The following NAV1 variants were observed in gnomAD, a reference collection of about 807,000 sequenced individuals.
The protein encoded by NAV1 is neuron navigator 1.
In NAV1, 18 loss-of-function variants were observed where a neutral mutation model predicts 175.2. That is an observed-to-expected ratio of 0.10 (90% CI 0.07 to 0.15). NAV1 has a LOEUF of 0.15. Ranked by LOEUF, NAV1 falls within the 10% of genes least tolerant of loss-of-function variation. NAV1 has a pLI of 1.00. For synonymous variants in NAV1, 897 were observed against 978.7 expected (o/e 0.92, Z 1.56); for missense variants, 1,731 against 2,436.6 (o/e 0.71, Z 6.10).
intron 1 of NAV1, among the ~76,000 whole-genome samples, chr1:201,553,552 A>G (rs543884926): frequency 4.6e-5 from 7 of 152,382 alleles, no homozygotes; most frequent in African/African-American, 1.7e-4. Flanking sequence ...ATTTACAAAC[A>G]GTGAAACACA....
At chr1:201,559,270 C>T (rs1483338744) in intron 1 of NAV1, among the ~76,000 whole-genome samples, 1 of 152,064 alleles carries the variant, frequency 6.6e-6, no homozygotes, top group Non-Finnish European at 1.5e-5. Context: ...TTATAAAGGG[C>T]CTGGCTATGA....
At position 201,721,468 on chromosome 1, in the gene NAV1, G is replaced by A. The variant is rs530004151; in HGVS notation, c.1226+2713G>A. On this transcript the variant is annotated intron_variant, in intron 3 of 29. Transcript: ENST00000367296. ...GTTTTAATTAGTAACAGGGCAACCT[G>A]GATTCCAGCGACTCTTTAAGTGAAC... Among the ~76,000 whole-genome samples, 209 of 152,342 alleles carry A rather than the reference G, an allele frequency of 1.4e-3. 2 individuals carry two copies. The highest frequency in any genetic ancestry group is 5.0e-3 in the African/African-American group (206 of 41,564).
chr1:201,751,512 G>A (rs1674105091), intron 3 of NAV1, among the ~76,000 whole-genome samples: 1 of 152,184 alleles, frequency 6.6e-6, no homozygotes, highest in Admixed American at 6.5e-5. Context: ...TTGTCTGAAT[G>A]GAAAGTGCAT....
At chr1:201,767,071 G>A (rs61821730) in intron 3 of NAV1, among the ~76,000 whole-genome samples, 10,952 of 151,446 alleles carry the variant, frequency 0.072, 552 homozygotes, top group Non-Finnish European at 0.11. Flanking sequence ...CACCTGCCTC[G>A]CCCTCCCAAA....
At chr1:201,768,648 A>G (rs1484196440) in intron 3 of NAV1, among the ~76,000 whole-genome samples, 1 of 149,238 alleles carries the variant, frequency 6.7e-6, no homozygotes, top group East Asian at 1.9e-4. Context: ...AATTAAAAAA[A>G]AAAAAAAAAA....
intron 3 of NAV1, among the ~76,000 whole-genome samples, chr1:201,738,663 A>G (rs756623568): frequency 1.3e-5 from 2 of 152,130 alleles, no homozygotes; most frequent in Non-Finnish European, 2.9e-5. Flanking sequence ...CTCCCTTAAC[A>G]TCTGTAAAAA....
intron 1 of NAV1, among the ~76,000 whole-genome samples, chr1:201,698,219 A>C (rs556138923): frequency 6.6e-6 from 1 of 152,238 alleles, no homozygotes; most frequent in South Asian, 2.1e-4. Flanking sequence ...ATCAGTGGTC[A>C]CCTCTTCCAG....
chr1:201,751,657 T>G (rs1674115147), intron 3 of NAV1, among the ~76,000 whole-genome samples: 1 of 152,220 alleles, frequency 6.6e-6, no homozygotes, highest in Non-Finnish European at 1.5e-5. Context: ...CTGTAAAAAC[T>G]GAGTAGAACA....
upstream of NAV1, among the ~76,000 whole-genome samples, chr1:201,643,275 CTT>C (rs1188228071): frequency 2.8e-5 from 4 of 142,356 alleles, no homozygotes; most frequent in South Asian, 6.7e-4. Flanking sequence ...CCCTCCCTCT[CTT>C]TCTTTCTTTC....
chr1:201,593,277 G>A (rs1196650900), intron 2 of NAV1, among the ~76,000 whole-genome samples: 1 of 152,152 alleles, frequency 6.6e-6, no homozygotes, highest in Non-Finnish European at 1.5e-5. Context: ...AACCCCACAA[G>A]CCTGTCAGCA....
upstream of NAV1, among the ~76,000 whole-genome samples, chr1:201,620,863 C>A (rs1016373802): frequency 6.6e-6 from 1 of 152,106 alleles, no homozygotes; most frequent in African/African-American, 2.4e-5. Flanking sequence ...TAATTTGCAT[C>A]TCTTCAATTT....
intron 14 of NAV1, chr1:201,794,210 G>GGC: frequency 1.6e-6 from 1 of 632,290 alleles, no homozygotes; most frequent in Non-Finnish European, 2.9e-6. Flanking sequence ...GGAGTGCACT[G>GGC]GCGCGATCTT....
chr1:201,605,062 A>C (rs1160710232), intron 2 of NAV1, among the ~76,000 whole-genome samples: 1 of 151,510 alleles, frequency 6.6e-6, no homozygotes, highest in African/African-American at 2.4e-5. Flanking sequence ...GTTTTTACTG[A>C]GGGCACCCTA....
chr1:201,810,241 A>G lies in NAV1; in HGVS notation c.4561+136A>G. ...TGAAGATGCTTAAGTAATGTGAGATATAAAAAGATGAGTAAGACCCAGTCC... is the reference window on the plus strand; with the variant it reads ...TGAAGATGCTTAAGTAATGTGAGATGTAAAAAGATGAGTAAGACCCAGTCC... On this transcript the variant is annotated intron_variant, in intron 23 of 29. Transcript: ENST00000367296. The surrounding 1 kb of genome is among the most constrained non-coding windows in gnomAD (Gnocchi z 6.0). The G allele has an allele frequency of 3.2e-6, 4 of 1,269,836 alleles. No homozygotes were observed. Among genetic ancestry groups the G allele is most frequent in the Non-Finnish European group, 4.3e-6 (4 of 928,174 alleles). 78.7% of individuals were successfully genotyped at this position (1,269,836 alleles called of 1,614,324 possible).
intron 3 of NAV1, among the ~76,000 whole-genome samples, chr1:201,770,873 C>A (rs1296968558): frequency 6.6e-6 from 1 of 152,128 alleles, no homozygotes; most frequent in Non-Finnish European, 1.5e-5. Flanking sequence ...AGATCCCTGC[C>A]CCCACCCAAT....
At chr1:201,664,235 G>A (rs563569283) in intron 1 of NAV1, among the ~76,000 whole-genome samples, 11 of 152,230 alleles carry the variant, frequency 7.2e-5, no homozygotes, top group South Asian at 4.1e-4. Context: ...CCAGCTACTC[G>A]GGAGGCTGAG....
At chr1:201,676,983 G>A (rs557074302) in intron 1 of NAV1, among the ~76,000 whole-genome samples, 156 of 152,286 alleles carry the variant, frequency 1.0e-3, no homozygotes, top group African/African-American at 3.0e-3. Context: ...TGGGCGCGGT[G>A]GCTCATGCCT....
chr1:201,685,798 A>G (rs909666292), intron 1 of NAV1, among the ~76,000 whole-genome samples: 2 of 152,218 alleles, frequency 1.3e-5, no homozygotes, highest in African/African-American at 4.8e-5. Flanking sequence ...CAGAGCAAGT[A>G]GAAGAACCTA....
chr1:201,768,362 G>A (rs1249494626), intron 3 of NAV1, among the ~76,000 whole-genome samples: 2 of 141,332 alleles, frequency 1.4e-5, no homozygotes, highest in African/African-American at 5.3e-5. Flanking sequence ...GTAAGTACAG[G>A]CATGGTGGCT....
Sources: allele counts gnomAD v4.1 joint callset (sites outside exome capture counted in the v4.1 genomes callset), GRCh38; gene constraint gnomAD v4.1.1; non-coding constraint Gnocchi (gnomAD v3.1); transcripts MANE v1.5; gene names NCBI Gene and HGNC (gene_info 2026-07-23, HGNC 2026-07-21).